Variants in ZNF804A observed in about 807,000 individuals in gnomAD.
ZNF804A encodes zinc finger protein 804A.
In ZNF804A, 2 loss-of-function variants were observed where a neutral mutation model predicts 16.5. That is an observed-to-expected ratio of 0.12 (90% CI 0.05 to 0.38). The LOEUF is 0.38. Among genes scored for constraint, ZNF804A ranks in the 10% least tolerant of loss-of-function variants. The probability of loss-of-function intolerance (pLI) is 0.99; values close to 1 mark genes in which losing one functional copy is unlikely to be tolerated. For missense variants in ZNF804A, 1,473 were observed against 1,390.7 expected, an observed-to-expected ratio of 1.06 and a Z score of -0.94; for synonymous variants, 534 against 489.6, an observed-to-expected ratio of 1.09 and a Z score of -1.20.
rs1191195237 is a variant in ZNF804A at position 184,936,587 on chromosome 2, G to A, written c.1191G>A (p.Glu397=). 2 of 1,613,964 alleles carry A rather than the reference G, an allele frequency of 1.2e-6. No individual in the cohort carries two copies. Among genetic ancestry groups the A allele is most frequent in the South Asian group, 1.1e-5 (1 of 91,074 alleles). Residue 397 remains glutamate (E), a synonymous_variant, in exon 4 of 4, where the codon GAG becomes GAA. Transcript: ENST00000302277. ...TTEVENKNGP[E]TLAPSNTEEV... The stretch of plus-strand genomic sequence containing the variant: ...AGGTTGAAAATAAAAATGGTCCCGA[G>A]ACATTGGCCCCTTCAAATACTGAAG...
At position 184,793,351 on chromosome 2, in the gene ZNF804A, G is replaced by C. The variant is rs115334867; in HGVS notation, c.112-73018G>C. 7.6e-3 allele frequency among the ~76,000 whole-genome samples: 1,150 copies of C among 152,200 alleles called. 18 individuals carry two copies. The highest frequency in any genetic ancestry group is 0.026 in the African/African-American group (1,093 of 41,534). On this transcript the variant is annotated intron_variant, in intron 1 of 3. Coordinates refer to ENST00000302277, the MANE Select transcript of ZNF804A (RefSeq NM_194250.2). The stretch of plus-strand genomic sequence containing the variant: ...GTAAGTTCTTTGAGAAACCTCCAAA[G>C]TGCTTTCCACAGAGATTGGCTTAAT...
chr2:184,625,795 A>T (rs1420490886), intron 1 of ZNF804A, among the ~76,000 whole-genome samples: 1 of 152,184 alleles, frequency 6.6e-6, no homozygotes, highest in Non-Finnish European at 1.5e-5. Context: ...TTTGAACACA[A>T]TTTACTATAC....
intron 1 of ZNF804A, among the ~76,000 whole-genome samples, chr2:184,643,770 A>G (rs1691832508): frequency 6.6e-6 from 1 of 151,270 alleles, no homozygotes. Context: ...ATACATATCA[A>G]TATATAAAAT....
At chr2:184,918,293 G>A (rs1317779482) in intron 2 of ZNF804A, among the ~76,000 whole-genome samples, 1 of 152,156 alleles carries the variant, frequency 6.6e-6, no homozygotes, top group Non-Finnish European at 1.5e-5. Flanking sequence ...TTCCAGTTCA[G>A]TGGAATAATT....
At chr2:184,838,635 A>G (rs7607459) in intron 1 of ZNF804A, among the ~76,000 whole-genome samples, 6,136 of 150,744 alleles carry the variant, frequency 0.041, 397 homozygotes, top group African/African-American at 0.14. Context: ...CCATTTTAAT[A>G]TTTTTCTGTG....
At chr2:184,604,830 G>A (rs756975624) in intron 1 of ZNF804A, among the ~76,000 whole-genome samples, 4 of 152,016 alleles carry the variant, frequency 2.6e-5, no homozygotes, top group Non-Finnish European at 5.9e-5. Context: ...GCCACATATT[G>A]CTTGAACTGA....
At chr2:184,677,057 CA>C (rs1559123849) in intron 1 of ZNF804A, among the ~76,000 whole-genome samples, 1 of 123,180 alleles carries the variant, frequency 8.1e-6, no homozygotes, top group African/African-American at 3.3e-5. Context: ...AGCAGTAGAA[CA>C]AAAAAGAAAA....
intron 2 of ZNF804A, among the ~76,000 whole-genome samples, chr2:184,876,915 A>G (rs1684699303): frequency 6.6e-6 from 1 of 152,178 alleles, no homozygotes; most frequent in Non-Finnish European, 1.5e-5. Flanking sequence ...AGATAAATGC[A>G]TCTAATTTTA....
chr2:184,770,094 T>C (rs1017213390), intron 1 of ZNF804A, among the ~76,000 whole-genome samples: 13 of 152,044 alleles, frequency 8.6e-5, no homozygotes, highest in Admixed American at 2.0e-4. Context: ...ATCTACTCAA[T>C]ATGTAAAGTC....
chr2:184,705,302 A>C (rs993807121), intron 1 of ZNF804A, among the ~76,000 whole-genome samples: 7 of 152,314 alleles, frequency 4.6e-5, no homozygotes, highest in African/African-American at 1.7e-4. Flanking sequence ...TTGGAATAGG[A>C]AGAAAGGAGT....
At chr2:184,888,175 G>T (rs556235583) in intron 2 of ZNF804A, among the ~76,000 whole-genome samples, 78 of 151,984 alleles carry the variant, frequency 5.1e-4, no homozygotes, top group African/African-American at 1.8e-3. Context: ...AAATAATTCT[G>T]CATAGAATTT....
chr2:184,686,266 C>T (rs906054598), intron 1 of ZNF804A, among the ~76,000 whole-genome samples: 6 of 152,128 alleles, frequency 3.9e-5, no homozygotes, highest in African/African-American at 7.2e-5. Context: ...CAGTAGGGGG[C>T]GGGGCTTCCA....
chr2:184,636,703 C>T (rs1691706082), intron 1 of ZNF804A, among the ~76,000 whole-genome samples: 1 of 151,828 alleles, frequency 6.6e-6, no homozygotes, highest in African/African-American at 2.4e-5. Context: ...GTCTTCAAAT[C>T]ATTTAATGCT....
At chr2:184,786,564 C>T (rs1446421575) in intron 1 of ZNF804A, among the ~76,000 whole-genome samples, 4 of 151,872 alleles carry the variant, frequency 2.6e-5, no homozygotes, top group Admixed American at 2.6e-4. Context: ...ATTAGAAGGG[C>T]CAGGTTTTGG....
At chr2:184,744,604 G>A (rs1440066140) in intron 1 of ZNF804A, among the ~76,000 whole-genome samples, 3 of 151,900 alleles carry the variant, frequency 2.0e-5, no homozygotes, top group Non-Finnish European at 4.4e-5. Flanking sequence ...AGAACCATGA[G>A]AAGGGAATTT....
intron 1 of ZNF804A, among the ~76,000 whole-genome samples, chr2:184,673,309 A>T (rs185915049): frequency 6.6e-6 from 1 of 152,322 alleles, no homozygotes; most frequent in African/African-American, 2.4e-5. Context: ...CAATTATCCT[A>T]CAGCTGCCCC....
intron 2 of ZNF804A, among the ~76,000 whole-genome samples, chr2:184,871,097 C>T (rs1695966853): frequency 6.6e-6 from 1 of 150,716 alleles, no homozygotes; most frequent in Admixed American, 6.7e-5. Flanking sequence ...GACTCTTCTA[C>T]TACAAAATAA....
chr2:184,787,924 G>A lies in ZNF804A; in HGVS notation c.112-78445G>A, dbSNP rs115546334. ...TCATAAATTATTTGCCTAGGCAAATGTCAAGGAGAGCTTTTTCTTAGGTTT... is the reference window on the plus strand; with the variant it reads ...TCATAAATTATTTGCCTAGGCAAATATCAAGGAGAGCTTTTTCTTAGGTTT... On this transcript the variant is annotated intron_variant, in intron 1 of 3. Coordinates refer to ENST00000302277, the MANE Select transcript of ZNF804A (RefSeq NM_194250.2). 5.1e-3 allele frequency among the ~76,000 whole-genome samples: 772 copies of A among 151,680 alleles called. 7 individuals carry two copies. Among genetic ancestry groups the A allele is most frequent in the African/African-American group, 0.018 (728 of 41,474 alleles).
chr2:184,819,802 A>G (rs1332788188), intron 1 of ZNF804A, among the ~76,000 whole-genome samples: 2 of 152,118 alleles, frequency 1.3e-5, no homozygotes, highest in Non-Finnish European at 1.5e-5. Context: ...CTATGCACAT[A>G]AACTAGAAAA....
Sources: allele counts gnomAD v4.1 joint callset (sites outside exome capture counted in the v4.1 genomes callset), GRCh38; gene constraint gnomAD v4.1.1; transcripts MANE v1.5; gene names NCBI Gene and HGNC (gene_info 2026-07-23, HGNC 2026-07-21).